Variants in P2RX4 observed in about 807,000 individuals in gnomAD.
P2RX4 encodes P2X purinoceptor 4.
A neutral mutation model predicts 48.0 loss-of-function variants in P2RX4; 37 were observed. That is an observed-to-expected ratio of 0.77 (90% confidence interval 0.59 to 1.01). The LOEUF (loss-of-function observed/expected upper bound fraction) is 1.01, where lower values mean the gene tolerates loss of function less well. Among genes scored for constraint, P2RX4 ranks in the 50% least tolerant of loss-of-function variants. The probability of loss-of-function intolerance (pLI) is 0.00; values close to 1 mark genes in which losing one functional copy is unlikely to be tolerated. For synonymous variants in P2RX4, 200 were observed against 199.7 expected (o/e 1.00, Z -0.01); for missense variants, 501 against 521.4 (o/e 0.96, Z 0.38).
chr12:121,214,736 T>TG (rs1886110345), intron 1 of P2RX4: 1 of 152,244 alleles, frequency 6.6e-6, no homozygotes, highest in Non-Finnish European at 1.5e-5. Flanking sequence ...GCAATGAACT[T>TG]GGAGACTGCT....
chr12:121,217,291 C>A lies in P2RX4; in HGVS notation c.282+10C>A. On this transcript the variant is annotated intron_variant, in intron 2 of 11. Coordinates refer to ENST00000337233, the MANE Select transcript of P2RX4 (RefSeq NM_002560.3). ...TGTGATACCAGCTCAGGTGTGTCTC[C>A]CACTGTGTCTTCTGTCTAACACTGA... 6.2e-7 allele frequency: 1 copy of A among 1,613,504 alleles called. No homozygotes were observed. The highest frequency in any genetic ancestry group is 2.2e-5 in the East Asian group (1 of 44,872).
rs1354542685 is a variant in P2RX4, at chr12:121,233,742, T to C, written c.*193T>C. 10 of 1,374,368 alleles carry C rather than the reference T, an allele frequency of 7.3e-6. No homozygotes were observed. The highest frequency in any genetic ancestry group is 9.7e-6 in the Non-Finnish European group (10 of 1,028,204). 85.1% of individuals were successfully genotyped at this position (1,374,368 alleles called of 1,614,324 possible). On this transcript the variant is annotated 3_prime_UTR_variant, in exon 12 of 12. Transcript: ENST00000337233. ...CTGTTTGCCCACTCGGCCCAGGAGGTCAGCAGTCTGTTCTTGGCTGGGTCA... is the reference window on the plus strand; with the variant it reads ...CTGTTTGCCCACTCGGCCCAGGAGGCCAGCAGTCTGTTCTTGGCTGGGTCA...
intron 5 of P2RX4, among the ~76,000 whole-genome samples, chr12:121,227,012 G>C (rs887109843): frequency 6.6e-6 from 1 of 152,110 alleles, no homozygotes; most frequent in Non-Finnish European, 1.5e-5. Context: ...CTACTCGGGA[G>C]GCTGAGGCAG....
Position 121,233,775 on chromosome 12 carries a change from T to C in P2RX4, c.*226T>C. ...CTGTTCTTGGCTGGGTCAACTCTGC[T>C]TTTCCCGCAACCTGGGGTTGTCGGG... On this transcript the variant is annotated 3_prime_UTR_variant, in exon 12 of 12. Transcript: ENST00000337233. 9.2e-7 allele frequency: 1 copy of C among 1,083,152 alleles called. No individual in the cohort carries two copies. The highest frequency in any genetic ancestry group is 1.3e-6 in the Non-Finnish European group (1 of 778,970). 67.1% of individuals were successfully genotyped at this position (1,083,152 alleles called of 1,614,324 possible). A position where few individuals can be genotyped will look rare whatever the true frequency, so the allele number is the denominator to read the frequency against.
rs1887421408 is a variant in P2RX4, at chr12:121,232,389, CCT to C, written c.885-24_885-23del. On this transcript the variant is annotated intron_variant, in intron 8 of 11. Transcript: ENST00000337233. This position sits in a 1 kb window ranked among gnomAD's most constrained non-coding sequence, Gnocchi z 4.3. Reference sequence around the variant, plus strand: ...CAAGGTCCTGCCCCAGCCATCTCCCCCTGATCCATCCTCCTTCCCCTCAGGTT... The same window carrying C: ...CAAGGTCCTGCCCCAGCCATCTCCCCGATCCATCCTCCTTCCCCTCAGGTT... 6.4e-7 allele frequency: 1 copy of C among 1,551,078 alleles called. No individual in the cohort carries two copies. The highest frequency in any genetic ancestry group is 8.9e-7 in the Non-Finnish European group (1 of 1,126,008).
intron 4 of P2RX4, chr12:121,222,395 CTTGTTTTTTTTTTTGTT>C: frequency 3.7e-6 from 2 of 538,552 alleles, no homozygotes. Flanking sequence ...GTTGTTTTTT[CTTGTTTTTTTTTTTGTT>C]TTGTTTTTTT....
chr12:121,219,577 GTGGA>G (rs767985861), intron 2 of P2RX4, among the ~76,000 whole-genome samples: 278 of 139,702 alleles, frequency 2.0e-3, no homozygotes, highest in African/African-American at 3.2e-3. Context: ...TGGATGGGTG[GTGGA>G]TGGATGGATG....
At chr12:121,210,408 G>C in intron 1 of P2RX4, 110 bp downstream of exon 1, 1 of 1,143,470 alleles carries the variant, frequency 8.7e-7, no homozygotes, top group Non-Finnish European at 1.1e-6. Context: ...GCGGCGAGCC[G>C]AGGCGGTGAC....
At position 121,232,608 on chromosome 12, in the gene P2RX4, C is replaced by T; in HGVS notation, c.979-3C>T. On this transcript the variant is annotated splice_region_variant and splice_polypyrimidine_tract_variant and intron_variant, in intron 9 of 11. Transcript: ENST00000337233. This position sits in a 1 kb window ranked among gnomAD's most constrained non-coding sequence, Gnocchi z 4.3. ...CTTTTTTTCTTTTTCGGTGTCTTGGCAGGCAGGGAAATTTGACATCATCCC... is the reference window on the plus strand; with the variant it reads ...CTTTTTTTCTTTTTCGGTGTCTTGGTAGGCAGGGAAATTTGACATCATCCC... 1 of 1,613,602 alleles carries T rather than the reference C, an allele frequency of 6.2e-7. No homozygotes were observed. The highest frequency in any genetic ancestry group is 8.5e-7 in the Non-Finnish European group (1 of 1,179,540).
At chr12:121,228,700 A>T (rs1202904932) in intron 6 of P2RX4, 25 bp from the exon 7 acceptor site, 1 of 1,613,482 alleles carries the variant, frequency 6.2e-7, no homozygotes, top group South Asian at 1.1e-5. Context: ...CGTCGCTCTG[A>T]TTTTCTGCTT....
At chr12:121,212,793 T>A (rs1392898505) in intron 1 of P2RX4, 89 of 56,968 alleles carry the variant, frequency 1.6e-3, no homozygotes, top group African/African-American at 6.4e-3. Context: ...CCATCTCAAA[T>A]ATATATATAT....
chr12:121,219,615 G>GGATGGATA (rs1341119480), intron 2 of P2RX4, among the ~76,000 whole-genome samples: 1,448 of 140,524 alleles, frequency 0.01, 16 homozygotes, highest in Middle Eastern at 0.036. Context: ...ATGGATGGAT[G>GGATGGATA]GATAGATAGA....
At chr12:121,219,755 A>G (rs1351384070) in intron 2 of P2RX4, among the ~76,000 whole-genome samples, 2 of 152,134 alleles carry the variant, frequency 1.3e-5, no homozygotes, top group African/African-American at 4.8e-5. Flanking sequence ...AGGATAGATG[A>G]CAGATGATAG....
intron 8 of P2RX4, among the ~76,000 whole-genome samples, chr12:121,231,013 T>G: frequency 6.7e-6 from 1 of 148,684 alleles, no homozygotes. Context: ...TTTAAGGGAG[T>G]GACTTGCTCT....
intron 2 of P2RX4, among the ~76,000 whole-genome samples, chr12:121,218,865 G>A (rs1886392257): frequency 6.6e-6 from 1 of 152,110 alleles, no homozygotes; most frequent in South Asian, 2.1e-4. Context: ...AAGTAGATAA[G>A]TGATAGGAAA....
chr12:121,232,938 T>C lies in P2RX4; in HGVS notation c.1045-59T>C. ...TTCTCAGGAAGGGGCACGCAAAGAA[T>C]AAGATGGGTTGATGGGTTGCAAGCA... On this transcript the variant is annotated intron_variant, in intron 10 of 11. Coordinates refer to ENST00000337233, the MANE Select transcript of P2RX4 (RefSeq NM_002560.3). This position sits in a 1 kb window ranked among gnomAD's most constrained non-coding sequence, Gnocchi z 4.3. The C allele has an allele frequency of 1.7e-6, 2 of 1,193,146 alleles. No homozygotes were observed. The highest frequency in any genetic ancestry group is 2.4e-5 in the South Asian group (2 of 82,752). The allele number at this position is 1,193,146 out of a possible 1,614,324, so 73.9% of individuals were successfully genotyped here.
At chr12:121,230,408 AG>A (rs778342169) in intron 8 of P2RX4, among the ~76,000 whole-genome samples, 54 of 152,196 alleles carry the variant, frequency 3.5e-4, no homozygotes, top group Non-Finnish European at 6.6e-4. Context: ...AGGCCCTGCA[AG>A]GACCATCCCT....
Position 121,229,083 on chromosome 12 carries a change from C to T in P2RX4, c.868C>T (p.Pro290Ser), listed in dbSNP as rs1157472318. Residue 290 changes from proline to serine, a missense_variant, in exon 8 of 12, where the codon CCT becomes TCT. Physicochemically the swap from Pro to Ser is moderately conservative, Grantham distance 74 (BLOSUM62 -1). This residue lies in a region of P2RX4 where 197 missense variants were observed against 219.5 expected (regional missense o/e 0.90). Transcript: ENST00000337233. The surrounding 1 kb of genome is among the most constrained non-coding windows in gnomAD (Gnocchi z 4.6). The part of the protein sequence containing the change: ...DTRDVEHNVS[P>S]GYNFRFAKYY... ...ACGGGACGTTGAGCACAACGTATCT[C>T]CTGGCTACAATTTCAGGTGGGCGTG... 3 of 1,614,134 alleles carry T rather than the reference C, an allele frequency of 1.9e-6. No individual in the cohort carries two copies. The highest frequency in any genetic ancestry group is 2.5e-6 in the Non-Finnish European group (3 of 1,180,030).
At chr12:121,217,787 AG>A (rs373181325) in intron 2 of P2RX4, among the ~76,000 whole-genome samples, 1,957 of 114,508 alleles carry the variant, frequency 0.017, 32 homozygotes, top group South Asian at 0.033. Context: ...AGAAAAAAAA[AG>A]AAAAGAATTA....
Sources: allele counts gnomAD v4.1 joint callset (sites outside exome capture counted in the v4.1 genomes callset), GRCh38; gene constraint gnomAD v4.1.1; regional missense constraint gnomAD v4.1.1; non-coding constraint Gnocchi (gnomAD v3.1); transcripts MANE v1.5; gene names NCBI Gene and HGNC (gene_info 2026-07-23, HGNC 2026-07-21).